The following MYO10 variants were observed in gnomAD, a reference collection of about 807,000 sequenced individuals.
MYO10 encodes the protein myosin X, also known as unconventional myosin-X.
A neutral mutation model predicts 257.3 loss-of-function variants in MYO10; 133 were observed. The ratio of observed to expected loss-of-function variants is 0.52; its 90% CI spans 0.45 to 0.60. The LOEUF (loss-of-function observed/expected upper bound fraction) is 0.60, where lower values mean the gene tolerates loss of function less well. Among genes scored for constraint, MYO10 ranks in the 20% least tolerant of loss-of-function variants. The pLI, the probability that MYO10 is intolerant of heterozygous loss-of-function variation, is 0.00. For missense variants in MYO10, 2,399 were observed against 2,635.7 expected (o/e 0.91, Z 1.97); for synonymous variants, 1,104 against 1,028.6 (o/e 1.07, Z -1.40).
intron 1 of MYO10, among the ~76,000 whole-genome samples, chr5:16,934,651 T>C (rs1055454530): frequency 2.6e-5 from 4 of 152,258 alleles, no homozygotes; most frequent in African/African-American, 9.6e-5. Flanking sequence ...CCACAATGAA[T>C]GTGGGTATCA....
At chr5:16,776,601 T>G (rs1741220111) in intron 9 of MYO10, among the ~76,000 whole-genome samples, 1 of 152,252 alleles carries the variant, frequency 6.6e-6, no homozygotes, top group Non-Finnish European at 1.5e-5. Context: ...TGACATATCC[T>G]TTTGTCATAA....
intron 37 of MYO10, 60 bp downstream of exon 37, chr5:16,672,625 CCTGA>C: frequency 6.3e-7 from 1 of 1,593,478 alleles, no homozygotes; most frequent in Non-Finnish European, 8.6e-7. Flanking sequence ...AAGCTCAAAC[CCTGA>C]ACCCTGCTCT....
chr5:16,702,804 T>C (rs1223767595), intron 23 of MYO10, 121 bp downstream of exon 23: 13 of 1,001,942 alleles, frequency 1.3e-5, no homozygotes, highest in East Asian at 2.6e-5. Context: ...CCACCTAGAG[T>C]TACTGTTTCA....
At chr5:16,836,586 T>A (rs1248147334) in intron 2 of MYO10, among the ~76,000 whole-genome samples, 3 of 152,172 alleles carry the variant, frequency 2.0e-5, no homozygotes, top group African/African-American at 7.2e-5. Context: ...CTTGCGGATA[T>A]CTGAAAACTG....
intron 1 of MYO10, among the ~76,000 whole-genome samples, chr5:16,926,755 T>G (rs2625185): frequency 6.6e-6 from 1 of 151,282 alleles, no homozygotes; most frequent in African/African-American, 2.4e-5. Context: ...GTTCTCCACC[T>G]TGGTATTACT....
At position 16,887,698 on chromosome 5, in the gene MYO10, C is replaced by T. The variant is rs146965958; in HGVS notation, c.22-9991G>A. ...TAGAGACTGGGTTTCACCATGTTGG[C>T]CAGGCTGGTATCAAACGACTGACCT... On this transcript the variant is annotated intron_variant, in intron 1 of 40. Coordinates refer to ENST00000513610, the MANE Select transcript of MYO10 (RefSeq NM_012334.3). Among the ~76,000 whole-genome samples the T allele has an allele frequency of 2.9e-3, 446 of 152,152 alleles. 3 individuals are homozygous for T. Among genetic ancestry groups the T allele is most frequent in the African/African-American group, 0.01 (425 of 41,518 alleles).
intron 14 of MYO10, among the ~76,000 whole-genome samples, chr5:16,763,275 G>A (rs1356831497): frequency 6.6e-6 from 1 of 152,164 alleles, no homozygotes; most frequent in Non-Finnish European, 1.5e-5. Flanking sequence ...CTAAAATACT[G>A]AGTTCAATGA....
At chr5:16,724,129 G>A (rs937673886) in intron 19 of MYO10, among the ~76,000 whole-genome samples, 5 of 152,166 alleles carry the variant, frequency 3.3e-5, no homozygotes, top group Non-Finnish European at 7.3e-5. Flanking sequence ...GAATCTAAAT[G>A]AATCGACCTC....
At chr5:16,855,659 T>A (rs1333883566) in intron 2 of MYO10, among the ~76,000 whole-genome samples, 2 of 152,210 alleles carry the variant, frequency 1.3e-5, no homozygotes, top group Admixed American at 1.3e-4. Flanking sequence ...TTTTGAGTCC[T>A]TTGTTACAAA....
chr5:16,882,922 TA>T (rs201775055), intron 1 of MYO10, among the ~76,000 whole-genome samples: 3 of 151,558 alleles, frequency 2.0e-5, no homozygotes, highest in African/African-American at 7.3e-5. Flanking sequence ...TTTATTTATT[TA>T]TTTTTTTTTT....
chr5:16,826,785 C>T (rs1352331969), intron 2 of MYO10, among the ~76,000 whole-genome samples: 3 of 152,152 alleles, frequency 2.0e-5, no homozygotes, highest in Non-Finnish European at 4.4e-5. Context: ...TATTTTCCTC[C>T]TTTCGTGTAT....
At chr5:16,841,314 C>T (rs951468227) in intron 2 of MYO10, among the ~76,000 whole-genome samples, 5 of 152,054 alleles carry the variant, frequency 3.3e-5, no homozygotes, top group Non-Finnish European at 7.4e-5. Context: ...ATATTAAAGA[C>T]AATTATTTTG....
At chr5:16,895,568 C>T (rs1450337558) in intron 1 of MYO10, among the ~76,000 whole-genome samples, 1 of 152,040 alleles carries the variant, frequency 6.6e-6, no homozygotes, top group Non-Finnish European at 1.5e-5. Flanking sequence ...TCCTGAGGAC[C>T]AATGGTAAGA....
At chr5:16,760,458 C>G (rs1320070121) in intron 17 of MYO10, among the ~76,000 whole-genome samples, 2 of 147,986 alleles carry the variant, frequency 1.4e-5, no homozygotes, top group Admixed American at 6.7e-5. Context: ...GAGACCCTGT[C>G]TCCAAAAAAA....
intron 4 of MYO10, among the ~76,000 whole-genome samples, chr5:16,787,610 A>T (rs1226594273): frequency 1.6e-3 from 2 of 1,258 alleles, no homozygotes; most frequent in African/African-American, 0.014. Context: ...GTTTTGCTTT[A>T]AAAAAAAAAA....
chr5:16,751,556 A>C (rs988698945), intron 19 of MYO10, among the ~76,000 whole-genome samples: 1 of 151,874 alleles, frequency 6.6e-6, no homozygotes, highest in Non-Finnish European at 1.5e-5. Flanking sequence ...ATCTCAGCTC[A>C]TGGCAACCAC....
intron 1 of MYO10, among the ~76,000 whole-genome samples, chr5:16,907,888 CT>C (rs1447211760): frequency 6.6e-6 from 1 of 152,194 alleles, no homozygotes; most frequent in African/African-American, 2.4e-5. Context: ...AAAAATTTAT[CT>C]TTACCTCTCT....
intron 1 of MYO10, among the ~76,000 whole-genome samples, chr5:16,881,745 G>A (rs1363510027): frequency 6.6e-6 from 1 of 152,118 alleles, no homozygotes; most frequent in African/African-American, 2.4e-5. Flanking sequence ...CACTCTATTA[G>A]AACACATGTG....
At chr5:16,697,796 A>G (rs1737826141) in intron 26 of MYO10, among the ~76,000 whole-genome samples, 1 of 151,576 alleles carries the variant, frequency 6.6e-6, no homozygotes, top group Non-Finnish European at 1.5e-5. Context: ...AAGAAAAAGG[A>G]AGAAGACAAA....
Sources: gnomAD v4.1 joint callset for allele counts (sites outside exome capture counted in the v4.1 genomes callset) on GRCh38, gnomAD v4.1.1 for gene constraint, MANE v1.5 for transcripts, NCBI Gene and HGNC (gene_info 2026-07-23, HGNC 2026-07-21) for gene names.